The following LRMDA variants were observed in gnomAD, a reference collection of about 807,000 sequenced individuals.
The protein encoded by LRMDA is leucine rich melanocyte differentiation associated.
Under a neutral mutation model 29.8 loss-of-function variants are expected in LRMDA, and 18 were observed. That is an observed-to-expected ratio of 0.60 (90% CI 0.42 to 0.90). LRMDA has a LOEUF of 0.90. Among genes scored for constraint, LRMDA ranks in the 40% least tolerant of loss-of-function variants. LRMDA has a pLI of 0.00. For synonymous variants in LRMDA, 125 were observed against 109.4 expected (o/e 1.14, Z -0.89); for missense variants, 273 against 273.9 (o/e 1.00, Z 0.02).
In LRMDA at chr10:75,804,299, C is replaced by T. The variant is rs1843809301; in HGVS notation, c.132-231709C>T. 2.6e-5 allele frequency among the ~76,000 whole-genome samples: 4 copies of T among 152,208 alleles called. No individual in the cohort carries two copies. In the South Asian group the frequency reaches 8.3e-4, roughly 32 times the overall value. ...AATTATCACTCTTGGCTAAATGATACACCTTGTGGACTTGAGCGATGGAGT... is the reference window on the plus strand; with the variant it reads ...AATTATCACTCTTGGCTAAATGATATACCTTGTGGACTTGAGCGATGGAGT... On this transcript the variant is annotated intron_variant, in intron 2 of 6. Coordinates refer to ENST00000611255, the MANE Select transcript of LRMDA (RefSeq NM_001305581.2).
chr10:75,599,823 T>A (rs1840858244), intron 2 of LRMDA, among the ~76,000 whole-genome samples: 2 of 152,292 alleles, frequency 1.3e-5, no homozygotes, highest in Non-Finnish European at 1.5e-5. Flanking sequence ...GTGGCTACCA[T>A]AATGGGGAGA....
intron 2 of LRMDA, among the ~76,000 whole-genome samples, chr10:75,932,397 G>A (rs2132401625): frequency 6.6e-6 from 1 of 152,300 alleles, no homozygotes; most frequent in African/African-American, 2.4e-5. Context: ...AGGACAGCCT[G>A]AGGCCAGGAG....
At chr10:75,714,046 A>C (rs1022322391) in intron 2 of LRMDA, among the ~76,000 whole-genome samples, 4 of 152,116 alleles carry the variant, frequency 2.6e-5, no homozygotes, top group Non-Finnish European at 4.4e-5. Context: ...CCAAACAAAG[A>C]CTTGTTATCT....
At chr10:75,995,391 T>G (rs1257440507) in intron 2 of LRMDA, among the ~76,000 whole-genome samples, 1 of 152,148 alleles carries the variant, frequency 6.6e-6, no homozygotes, top group Non-Finnish European at 1.5e-5. Flanking sequence ...GAAACCCAAT[T>G]AACATCTTTG....
At chr10:75,738,376 C>T (rs1044011502) in intron 2 of LRMDA, among the ~76,000 whole-genome samples, 2 of 152,138 alleles carry the variant, frequency 1.3e-5, no homozygotes, top group Non-Finnish European at 2.9e-5. Context: ...GAGGCCTCTC[C>T]TTTCCCTGCC....
intron 2 of LRMDA, among the ~76,000 whole-genome samples, chr10:76,031,884 T>G (rs1848156090): frequency 6.6e-6 from 1 of 152,090 alleles, no homozygotes; most frequent in Non-Finnish European, 1.5e-5. Flanking sequence ...TGTTTTAGGG[T>G]CTGTGGTCAG....
At chr10:76,274,761 C>T (rs543314581) in intron 5 of LRMDA, among the ~76,000 whole-genome samples, 7 of 152,108 alleles carry the variant, frequency 4.6e-5, no homozygotes, top group South Asian at 4.2e-4. Context: ...GATATTGGAG[C>T]GGTTTTTACA....
chr10:76,544,212 TG>T (rs1304998453), intron 6 of LRMDA, among the ~76,000 whole-genome samples: 2 of 152,200 alleles, frequency 1.3e-5, no homozygotes, highest in African/African-American at 4.8e-5. Context: ...GGCTTAGAGC[TG>T]GGCATCAAAC....
intron 2 of LRMDA, among the ~76,000 whole-genome samples, chr10:75,470,648 A>C (rs558633733): frequency 8.5e-5 from 13 of 152,204 alleles, no homozygotes; most frequent in African/African-American, 3.1e-4. Flanking sequence ...TGTGGCGTGG[A>C]TGATGCTTGT....
intron 2 of LRMDA, among the ~76,000 whole-genome samples, chr10:75,438,869 G>C (rs1266182197): frequency 6.6e-6 from 1 of 152,218 alleles, no homozygotes; most frequent in Non-Finnish European, 1.5e-5. Flanking sequence ...GGGGTGTCTA[G>C]GTGTGCTTTC....
chr10:76,405,041 C>T (rs533964043), intron 6 of LRMDA, among the ~76,000 whole-genome samples: 1 of 152,260 alleles, frequency 6.6e-6, no homozygotes, highest in East Asian at 1.9e-4. Flanking sequence ...GAGCAGTTGA[C>T]ACCTAGATGT....
At position 76,250,731 on chromosome 10, in the gene LRMDA, G is replaced by A. The variant is rs201392815; in HGVS notation, c.517-73670G>A. On this transcript the variant is annotated intron_variant, in intron 5 of 6. Transcript: ENST00000611255. ...TACAGTCTTTTCTTTGCACCTGAAG[G>A]AGCATTGAGGGTGAAAAATAGAGGC... Among the ~76,000 whole-genome samples, 4 of 152,146 alleles carry A rather than the reference G, an allele frequency of 2.6e-5. No homozygotes were observed. The East Asian group carries it at 7.7e-4, about 29-fold the overall frequency.
At chr10:75,596,109 C>T (rs1363357706) in intron 2 of LRMDA, among the ~76,000 whole-genome samples, 2 of 152,148 alleles carry the variant, frequency 1.3e-5, no homozygotes, top group Non-Finnish European at 2.9e-5. Flanking sequence ...AATGAAGATA[C>T]TGTTTACTGT....
chr10:75,989,167 A>G (rs538044750), intron 2 of LRMDA, among the ~76,000 whole-genome samples: 1 of 152,356 alleles, frequency 6.6e-6, no homozygotes, highest in Admixed American at 6.5e-5. Flanking sequence ...GGGATGCTCA[A>G]TAAATGTTGG....
intron 2 of LRMDA, among the ~76,000 whole-genome samples, chr10:75,725,290 C>T (rs943072932): frequency 6.6e-6 from 1 of 152,048 alleles, no homozygotes; most frequent in Non-Finnish European, 1.5e-5. Flanking sequence ...CTGCAGTAGC[C>T]ACTACTGGAT....
At chr10:75,859,840 T>G (rs1844892138) in intron 2 of LRMDA, among the ~76,000 whole-genome samples, 1 of 152,192 alleles carries the variant, frequency 6.6e-6, no homozygotes, top group Non-Finnish European at 1.5e-5. Context: ...TTCTCCTGTA[T>G]TTCTTCTAAA....
At chr10:76,001,504 C>T (rs1847562256) in intron 2 of LRMDA, among the ~76,000 whole-genome samples, 1 of 152,104 alleles carries the variant, frequency 6.6e-6, no homozygotes, top group South Asian at 2.1e-4. Flanking sequence ...AGAGTAAATT[C>T]ATTATGGCTT....
intron 6 of LRMDA, among the ~76,000 whole-genome samples, chr10:76,327,342 C>T (rs909976697): frequency 2.2e-4 from 33 of 152,158 alleles, no homozygotes; most frequent in African/African-American, 6.3e-4. Context: ...TCACCTGCCT[C>T]GGCCTCCCAA....
intron 2 of LRMDA, among the ~76,000 whole-genome samples, chr10:75,877,383 G>A (rs1277486237): frequency 6.6e-6 from 1 of 152,168 alleles, no homozygotes; most frequent in Non-Finnish European, 1.5e-5. Flanking sequence ...TGAAATACCA[G>A]AGCTGACATA....
Sources: allele counts gnomAD v4.1 joint callset (sites outside exome capture counted in the v4.1 genomes callset), GRCh38; gene constraint gnomAD v4.1.1; transcripts MANE v1.5; gene names NCBI Gene and HGNC (gene_info 2026-07-23, HGNC 2026-07-21).